The following SV2C variants were observed in gnomAD, a reference collection of about 807,000 sequenced individuals.
SV2C encodes the protein solute carrier family 22 member B3.
Under a neutral mutation model 79.7 loss-of-function variants are expected in SV2C, and 49 were observed. That is an observed-to-expected ratio of 0.61 (90% CI 0.49 to 0.78). SV2C has a LOEUF of 0.78. Among genes scored for constraint, SV2C ranks in the 30% least tolerant of loss-of-function variants. The pLI is 0.00. For synonymous variants in SV2C, 334 were observed against 333.2 expected (o/e 1.00, Z -0.03); for missense variants, 833 against 912.9 (o/e 0.91, Z 1.13).
chr5:75,978,984 G>GA, the SV2C span, among the ~76,000 whole-genome samples: 2 of 151,280 alleles, frequency 1.3e-5, no homozygotes, highest in Non-Finnish European at 3.0e-5. Flanking sequence ...CCTGTCTCAA[G>GA]AAAAAAAATA....
the SV2C span, among the ~76,000 whole-genome samples, chr5:75,897,989 T>A: frequency 0.022 from 3,274 of 151,634 alleles, 208 homozygotes; most frequent in African/African-American, 0.074. Flanking sequence ...GGGGTTTTCT[T>A]GATATACAAT....
intron 4 of SV2C, among the ~76,000 whole-genome samples, chr5:76,240,526 A>C (rs1030966011): frequency 6.6e-6 from 1 of 152,236 alleles, no homozygotes; most frequent in Non-Finnish European, 1.5e-5. Context: ...AAGGCAGTGG[A>C]TAATTGTCCT....
At chr5:75,996,667 T>A in the SV2C span, among the ~76,000 whole-genome samples, 3 of 152,168 alleles carry the variant, frequency 2.0e-5, no homozygotes, top group Admixed American at 1.3e-4. Flanking sequence ...CCTTGAGCAG[T>A]GGTTTGTAGT....
At chr5:75,970,705 C>A in the SV2C span, among the ~76,000 whole-genome samples, 1 of 152,000 alleles carries the variant, frequency 6.6e-6, no homozygotes, top group African/African-American at 2.4e-5. Context: ...CAAAAAAAGT[C>A]CAGGACCAGA....
At chr5:76,211,353 C>A (rs1046948415) in intron 4 of SV2C, among the ~76,000 whole-genome samples, 2 of 152,088 alleles carry the variant, frequency 1.3e-5, no homozygotes, top group African/African-American at 2.4e-5. Flanking sequence ...CCTCAGAAGC[C>A]AAAAGCTCCA....
intron 1 of SV2C, among the ~76,000 whole-genome samples, chr5:76,127,403 C>CA (rs1177560190): frequency 2.0e-5 from 3 of 152,138 alleles, no homozygotes; most frequent in African/African-American, 7.2e-5. Flanking sequence ...CATATTTGTG[C>CA]AAAATATCAC....
chr5:76,317,828 CA>C (rs1230868361), intron 12 of SV2C, among the ~76,000 whole-genome samples: 1 of 152,078 alleles, frequency 6.6e-6, no homozygotes, highest in Non-Finnish European at 1.5e-5. Flanking sequence ...GGCCCTGCCT[CA>C]AAAATGTAGC....
intron 4 of SV2C, among the ~76,000 whole-genome samples, chr5:76,217,229 T>C (rs113132377): frequency 2.0e-5 from 3 of 152,352 alleles, no homozygotes; most frequent in African/African-American, 4.8e-5. Context: ...CATGATGCGA[T>C]GTCCAGGCTT....
At chr5:76,089,940 C>T (rs1747318111) in intron 1 of SV2C, among the ~76,000 whole-genome samples, 1 of 152,196 alleles carries the variant, frequency 6.6e-6, no homozygotes, top group Non-Finnish European at 1.5e-5. Flanking sequence ...ACTTCATAGG[C>T]ACTGTACTTT....
At chr5:76,109,613 T>G (rs1580272616) in intron 1 of SV2C, among the ~76,000 whole-genome samples, 1 of 152,166 alleles carries the variant, frequency 6.6e-6, no homozygotes, top group East Asian at 1.9e-4. Context: ...GGGTGGGCAC[T>G]AATATGACTG....
At chr5:76,301,676 A>G (rs1174308076) in intron 12 of SV2C, 131 bp downstream of exon 12, 15 of 1,002,680 alleles carry the variant, frequency 1.5e-5, no homozygotes, top group Non-Finnish European at 2.0e-5. Flanking sequence ...TGGAAGGCCA[A>G]GGTGGGTGGA....
chr5:75,928,406 T>A, the SV2C span, among the ~76,000 whole-genome samples: 1 of 152,214 alleles, frequency 6.6e-6, no homozygotes, highest in African/African-American at 2.4e-5. Flanking sequence ...GTTCAGTCCC[T>A]TATGCTGCTG....
At chr5:75,873,147 T>C in the SV2C span, among the ~76,000 whole-genome samples, 3 of 152,134 alleles carry the variant, frequency 2.0e-5, no homozygotes, top group African/African-American at 7.2e-5. Flanking sequence ...GTAATCTATG[T>C]AGTAAAGTGT....
intron 2 of SV2C, among the ~76,000 whole-genome samples, chr5:76,147,618 G>A (rs1184869719): frequency 6.6e-6 from 1 of 152,176 alleles, no homozygotes; most frequent in Non-Finnish European, 1.5e-5. Flanking sequence ...GGCTATGGCC[G>A]AATTAGGCTA....
the SV2C span, among the ~76,000 whole-genome samples, chr5:75,876,498 A>C: frequency 2.1e-4 from 32 of 152,140 alleles, no homozygotes; most frequent in Non-Finnish European, 1.0e-4. Flanking sequence ...TGATGAAATA[A>C]TATGTATAAT....
the SV2C span, among the ~76,000 whole-genome samples, chr5:75,932,071 C>T: frequency 1.3e-5 from 2 of 152,130 alleles, no homozygotes; most frequent in Non-Finnish European, 2.9e-5. Flanking sequence ...GAATAAATCC[C>T]AACCATCTCA....
Position 76,331,466 on chromosome 5 carries a change from G to A in SV2C, c.*5919G>A, listed in dbSNP as rs538307537. On this transcript the variant is annotated 3_prime_UTR_variant, in exon 13 of 13. Transcript: ENST00000502798. ...AGTAGCAGGGGTATTTTGGGTTTCA[G>A]TTTAAAACTGGTGCGTGTTGTTGCA... 5.7e-4 allele frequency: 87 copies of A among 152,404 alleles called. No individual in the cohort carries two copies. Among genetic ancestry groups the A allele is most frequent in the African/African-American group, 2.1e-3 (87 of 41,562 alleles). The allele number at this position is 152,404 out of a possible 1,614,324, so 9.4% of individuals were successfully genotyped here. A position where few individuals can be genotyped will look rare whatever the true frequency, so the allele number is the denominator to read the frequency against.
the SV2C span, among the ~76,000 whole-genome samples, chr5:75,927,444 G>T: frequency 9.9e-5 from 15 of 151,858 alleles, no homozygotes; most frequent in Admixed American, 7.9e-4. Context: ...TATCTAAAAT[G>T]GTCAAACCCA....
rs529839918 is a variant in SV2C, at chr5:76,249,016, G to A, written c.914-36146G>A. Among the ~76,000 whole-genome samples the A allele has an allele frequency of 2.6e-5, 4 of 152,312 alleles. No individual in the cohort carries two copies. The South Asian group carries it at 8.3e-4, about 32-fold the overall frequency. On this transcript the variant is annotated intron_variant, in intron 4 of 12. Coordinates refer to ENST00000502798, the MANE Select transcript of SV2C (RefSeq NM_014979.4). ...GTATTATTAGGAGGAGTGTGGTGAT[G>A]CTGTGGTTGCAACTGGACCATTCAG... is the stretch of plus-strand genomic sequence containing the variant.
Sources: allele counts gnomAD v4.1 joint callset (sites outside exome capture counted in the v4.1 genomes callset), GRCh38; gene constraint gnomAD v4.1.1; transcripts MANE v1.5; gene names NCBI Gene and HGNC (gene_info 2026-07-23, HGNC 2026-07-21).